Variants in DHX30 observed in about 807,000 individuals in gnomAD.
The protein encoded by DHX30 is ATP-dependent RNA helicase DHX30.
In DHX30, 4 loss-of-function variants were observed where a neutral mutation model predicts 116.9. That is an observed-to-expected ratio of 0.03 (90% CI 0.02 to 0.08). The LOEUF is 0.08. Ranked by LOEUF, DHX30 falls within the 10% of genes least tolerant of loss-of-function variation. DHX30 has a pLI of 1.00. For missense variants in DHX30, 871 were observed against 1,595.1 expected, an observed-to-expected ratio of 0.55 and a Z score of 7.73; for synonymous variants, 697 against 651.7, an observed-to-expected ratio of 1.07 and a Z score of -1.06.
Position 47,803,209 on chromosome 3 carries a change from A to G in DHX30, c.-126A>G, listed in dbSNP as rs2035364993. 6 of 393,552 alleles carry G rather than the reference A, an allele frequency of 1.5e-5. No homozygotes were observed. Among genetic ancestry groups the G allele is most frequent in the Non-Finnish European group, 2.2e-5 (5 of 222,646 alleles). The allele number at this position is 393,552 out of a possible 1,614,324, so 24.4% of individuals were successfully genotyped here. On this transcript the variant is annotated 5_prime_UTR_variant, in exon 1 of 22. Transcript: ENST00000445061. ...AGAGGCTTGTTTCACATCTGTAACA[A>G]CAGGTGAATTGGGCTTTTTATTCTC...
rs569563518 is a variant in DHX30 at position 47,819,877 on chromosome 3, C to T, written c.124+1760C>T. Among the ~76,000 whole-genome samples, 6 of 152,300 alleles carry T rather than the reference C, an allele frequency of 3.9e-5. No individual in the cohort carries two copies. In the South Asian group the frequency reaches 6.2e-4, roughly 16 times the overall value. Reference sequence around the variant, plus strand: ...TCACCTCTGGCTGTCCCCTGTCACTCGGCCCCACCTACTCAGATTTGAGAC... The same window carrying T: ...TCACCTCTGGCTGTCCCCTGTCACTTGGCCCCACCTACTCAGATTTGAGAC... On this transcript the variant is annotated intron_variant, in intron 4 of 21. Coordinates refer to ENST00000445061, the MANE Select transcript of DHX30 (RefSeq NM_138615.3).
intron 2 of DHX30, among the ~76,000 whole-genome samples, chr3:47,808,948 G>A (rs867537897): frequency 2.0e-5 from 3 of 151,816 alleles, no homozygotes; most frequent in Non-Finnish European, 4.4e-5. Flanking sequence ...GAGTGCAATG[G>A]TGCGATCTCG....
intron 6 of DHX30, among the ~76,000 whole-genome samples, chr3:47,834,397 C>A (rs532746146): frequency 1.3e-4 from 20 of 152,312 alleles, no homozygotes; most frequent in African/African-American, 3.8e-4. Context: ...AGCCACTACT[C>A]CTGGCCCATG....
At chr3:47,816,832 A>C (rs2036080528) in intron 3 of DHX30, 1 of 985,254 alleles carries the variant, frequency 1.0e-6, no homozygotes, top group African/African-American at 1.7e-5. Context: ...AATTTCAAAA[A>C]TACTGAAACA....
At chr3:47,829,304 ATATATATATATTT>A (rs1267290258) in intron 6 of DHX30, among the ~76,000 whole-genome samples, 170 bp downstream of exon 6, 1 of 35,186 alleles carries the variant, frequency 2.8e-5, no homozygotes, top group Non-Finnish European at 6.3e-5. Flanking sequence ...ATATATATAT[ATATATATATATTT>A]TTTTTTTTTT....
intron 4 of DHX30, among the ~76,000 whole-genome samples, chr3:47,824,563 AT>A (rs965740621): frequency 1.1e-4 from 17 of 152,104 alleles, no homozygotes; most frequent in Admixed American, 1.1e-3. Flanking sequence ...AAGTGTTGGG[AT>A]TGCAGGCATG....
rs1313287284 is a variant in DHX30, at chr3:47,803,617, TCTC to T, written c.-123+411_-123+413del. 1.2e-4 allele frequency among the ~76,000 whole-genome samples: 19 copies of T among 152,288 alleles called. No homozygotes were observed. The South Asian group carries it at 1.5e-3, about 12-fold the overall frequency. On this transcript the variant is annotated intron_variant, in intron 1 of 21. Transcript: ENST00000445061. ...GAGTGCCCCGAGACCTTTGTCTACT[TCTC>T]CTCCTTCCCGGTGCTGCCCGGACCG... is the stretch of plus-strand genomic sequence containing the variant.
Position 47,847,142 on chromosome 3 carries a change from C to CT in DHX30, c.1930-130dup. 1 of 1,475,040 alleles carries CT rather than the reference C, an allele frequency of 6.8e-7. No homozygotes were observed. The highest frequency in any genetic ancestry group is 9.4e-7 in the Non-Finnish European group (1 of 1,067,628). 91.4% of individuals were successfully genotyped at this position (1,475,040 alleles called of 1,614,324 possible). Reference sequence around the variant, plus strand: ...CCTTGATAGAAACTGGGGACTAACCCTGCCTGCGTGGCACACGTGAGGATT... The same window carrying CT: ...CCTTGATAGAAACTGGGGACTAACCCTTGCCTGCGTGGCACACGTGAGGATT... On this transcript the variant is annotated intron_variant, in intron 11 of 21. Coordinates refer to ENST00000445061, the MANE Select transcript of DHX30 (RefSeq NM_138615.3). The surrounding 1 kb of genome is among the most constrained non-coding windows in gnomAD (Gnocchi z 5.5).
chr3:47,809,618 C>T (rs552094392), intron 2 of DHX30, among the ~76,000 whole-genome samples: 1 of 152,078 alleles, frequency 6.6e-6, no homozygotes, highest in Non-Finnish European at 1.5e-5. Context: ...ATACCATATC[C>T]TATGGGCTGA....
At chr3:47,817,042 C>T in intron 3 of DHX30, 1 of 769,436 alleles carries the variant, frequency 1.3e-6, no homozygotes, top group East Asian at 1.3e-4. Context: ...TGATATCTTT[C>T]TCCTCTTTAC....
intron 3 of DHX30, 57 bp downstream of exon 3, chr3:47,810,768 C>T: frequency 6.4e-7 from 1 of 1,550,498 alleles, no homozygotes; most frequent in Non-Finnish European, 8.9e-7. Context: ...ATGGGCAGCT[C>T]TGAGGGCTGT....
intron 4 of DHX30, among the ~76,000 whole-genome samples, chr3:47,819,783 C>T (rs887339939): frequency 2.0e-5 from 3 of 152,158 alleles, no homozygotes; most frequent in African/African-American, 4.8e-5. Flanking sequence ...CTCCTTGACC[C>T]CCCTTCCTCC....
Position 47,829,137 on chromosome 3 carries a change from G to T in DHX30, c.366+3G>T. On this transcript the variant is annotated splice_donor_region_variant and intron_variant, in intron 6 of 21. Transcript: ENST00000445061. ...CTGCAGCCTGCCAGCTGTTCAAGGT[G>T]ACCCTTCCTCAGTGAAAGCCACTGA... The T allele has an allele frequency of 6.5e-7, 1 of 1,536,750 alleles. No individual in the cohort carries two copies. The highest frequency in any genetic ancestry group is 8.8e-7 in the Non-Finnish European group (1 of 1,134,928).
chr3:47,847,863 C>T lies in DHX30; in HGVS notation c.2193C>T (p.Thr731=). Residue 731 remains threonine (T), a synonymous_variant, in exon 14 of 22, where the codon ACC becomes ACT. Transcript: ENST00000445061. The surrounding 1 kb of genome is among the most constrained non-coding windows in gnomAD (Gnocchi z 5.5). The part of the protein sequence containing the change: ...PVGVRKIVLA[T]NIAETSITIN... ...GGGTGCGCAAGATTGTCTTGGCCACCAACATTGCTGAGACTTCCATCACAA... is the reference window on the plus strand; with the variant it reads ...GGGTGCGCAAGATTGTCTTGGCCACTAACATTGCTGAGACTTCCATCACAA... The T allele has an allele frequency of 6.2e-7, 1 of 1,614,140 alleles. No individual in the cohort carries two copies. The highest frequency in any genetic ancestry group is 8.5e-7 in the Non-Finnish European group (1 of 1,180,042).
rs781497843 is a variant in DHX30 at position 47,848,829 on chromosome 3, C to T, written c.2769+12C>T. Reference sequence around the variant, plus strand: ...CAGAGGTGGACAAGGTCAGTCCTGGCTCCTTCCTGGAGCCGTCCACCCACT... The same window carrying T: ...CAGAGGTGGACAAGGTCAGTCCTGGTTCCTTCCTGGAGCCGTCCACCCACT... On this transcript the variant is annotated intron_variant, in intron 17 of 21. Coordinates refer to ENST00000445061, the MANE Select transcript of DHX30 (RefSeq NM_138615.3). This position sits in a 1 kb window ranked among gnomAD's most constrained non-coding sequence, Gnocchi z 9.4. 1.2e-6 allele frequency: 2 copies of T among 1,605,212 alleles called. No individual in the cohort carries two copies. The highest frequency in any genetic ancestry group is 1.7e-6 in the Non-Finnish European group (2 of 1,172,760).
Position 47,848,142 on chromosome 3 carries a change from G to C in DHX30, c.2287-38G>C, listed in dbSNP as rs749040615. Reference sequence around the variant, plus strand: ...CAGGGAGTGGGGAAGCACTGAGGAAGTGGCATTTGTGTGCTGCTTACTTGC... The same window carrying C: ...CAGGGAGTGGGGAAGCACTGAGGAACTGGCATTTGTGTGCTGCTTACTTGC... On this transcript the variant is annotated intron_variant, in intron 14 of 21. Transcript: ENST00000445061. This position sits in a 1 kb window ranked among gnomAD's most constrained non-coding sequence, Gnocchi z 9.4. The C allele has an allele frequency of 1.2e-6, 2 of 1,610,724 alleles. No homozygotes were observed. The highest frequency in any genetic ancestry group is 1.1e-5 in the South Asian group (1 of 90,942).
chr3:47,813,991 AG>A (rs1174676751), intron 3 of DHX30, among the ~76,000 whole-genome samples: 1 of 137,634 alleles, frequency 7.3e-6, no homozygotes, highest in Non-Finnish European at 1.5e-5. Context: ...AGCTAAAATT[AG>A]CACTTTGTGT....
chr3:47,843,897 T>TCTA (rs982692574), intron 9 of DHX30, among the ~76,000 whole-genome samples: 2 of 152,234 alleles, frequency 1.3e-5, no homozygotes, highest in African/African-American at 4.8e-5. Flanking sequence ...GACAAGGGTC[T>TCTA]CACTGTGTTG....
chr3:47,818,615 A>C (rs1576472240), intron 4 of DHX30, among the ~76,000 whole-genome samples: 1 of 152,178 alleles, frequency 6.6e-6, no homozygotes, highest in East Asian at 1.9e-4. Context: ...TGTGCCTCTC[A>C]GTCCACTTGG....
Sources: allele counts gnomAD v4.1 joint callset (sites outside exome capture counted in the v4.1 genomes callset), GRCh38; gene constraint gnomAD v4.1.1; non-coding constraint Gnocchi (gnomAD v3.1); transcripts MANE v1.5; gene names NCBI Gene and HGNC (gene_info 2026-07-23, HGNC 2026-07-21).